CYP4B1: variants seen among roughly 807,000 people sequenced by gnomAD.
The protein encoded by CYP4B1 is cytochrome P450 family 4 subfamily B member 1.
CYP4B1 carries 45 observed loss-of-function variants against 54.0 expected under a neutral mutation model. That is an observed-to-expected ratio of 0.83 (90% confidence interval 0.66 to 1.07). The LOEUF (loss-of-function observed/expected upper bound fraction) is 1.07, where lower values mean the gene tolerates loss of function less well. Among genes scored for constraint, CYP4B1 ranks in the 50% least tolerant of loss-of-function variants. The pLI is 0.00. For missense variants in CYP4B1, 656 were observed against 655.4 expected, an observed-to-expected ratio of 1.00 and a Z score of -0.01; for synonymous variants, 248 against 247.5, an observed-to-expected ratio of 1.00 and a Z score of -0.02.
At chr1:46,817,356 C>A in intron 9 of CYP4B1, 175 bp downstream of exon 9, 1 of 669,162 alleles carries the variant, frequency 1.5e-6, no homozygotes. Flanking sequence ...TACCTCTGAG[C>A]CTCCATTTCC....
At chr1:46,817,216 C>T (rs35333582) in intron 9 of CYP4B1, 35 bp downstream of exon 9, 218,980 of 1,612,344 alleles carry the variant, frequency 0.14, 15,646 homozygotes, top group East Asian at 0.22. Flanking sequence ...GAAAAGGAGT[C>T]CCTGCATGCT....
chr1:46,818,015 T>G lies in CYP4B1; in HGVS notation c.1258T>G (p.Trp420Gly). 6.2e-7 allele frequency: 1 copy of G among 1,614,176 alleles called. No homozygotes were observed. The highest frequency in any genetic ancestry group is 2.2e-5 in the East Asian group (1 of 44,876). Residue 420 changes from tryptophan (W) to glycine (G), a missense_variant, in exon 10 of 12, where the codon TGG becomes GGG. Trp to Gly is a radical substitution (Grantham distance 184). Coordinates refer to ENST00000371923, the MANE Select transcript of CYP4B1 (RefSeq NM_001099772.2). ...IYALHRNSAV[W>G]PDPEVFDSLR... The stretch of plus-strand genomic sequence containing the variant: ...TGCCCTCCATAGGAACAGTGCTGTA[T>G]GGCCCGACCCTGAGGTACCCTTTCC...
At chr1:46,807,886 T>C (rs575503723) in intron 1 of CYP4B1, among the ~76,000 whole-genome samples, 5 of 152,370 alleles carry the variant, frequency 3.3e-5, no homozygotes, top group African/African-American at 1.2e-4. Flanking sequence ...ATCAGATGCC[T>C]GTGTCCTTCT....
At chr1:46,817,328 C>T (rs1679377575) in intron 9 of CYP4B1, 147 bp downstream of exon 9, 1 of 857,018 alleles carries the variant, frequency 1.2e-6, no homozygotes, top group East Asian at 2.7e-5. Context: ...AGCCCCACAA[C>T]ATATTGATCA....
chr1:46,815,074 G>T lies in CYP4B1; in HGVS notation c.883G>T (p.Asp295Tyr), dbSNP rs1679279060. Residue 295 changes from aspartate to tyrosine, a missense_variant and splice_region_variant, in exon 8 of 12, where the codon GAT becomes TAT. Transcript: ENST00000371923. ...TCCTATTATGCCTTCCCTAACCCAG[G>T]ATGAAGATGACATCAAACTGTCAGA... ...DFLDILLGAR[D>Y]EDDIKLSDAD... The T allele has an allele frequency of 3.1e-6, 5 of 1,613,756 alleles. No homozygotes were observed. The highest frequency in any genetic ancestry group is 2.7e-5 in the African/African-American group (2 of 74,890).
At chr1:46,803,414 G>C (rs1305590968) in intron 1 of CYP4B1, among the ~76,000 whole-genome samples, 1 of 152,154 alleles carries the variant, frequency 6.6e-6, no homozygotes, top group East Asian at 1.9e-4. Flanking sequence ...GTCAGTGAGG[G>C]CTCCTCCATG....
At chr1:46,812,337 TG>T in intron 3 of CYP4B1, 158 bp from the exon 4 acceptor site, 2 of 800,412 alleles carry the variant, frequency 2.5e-6, no homozygotes, top group Non-Finnish European at 4.2e-6. Flanking sequence ...CCTGAGGTCC[TG>T]GTAGCCTAGG....
chr1:46,813,619 C>A lies in CYP4B1; in HGVS notation c.620+13C>A, dbSNP rs768704301. On this transcript the variant is annotated intron_variant, in intron 5 of 11. Transcript: ENST00000371923. ...GCCTGGGCCACAGGTCAGGAGCCAC[C>A]TCGGGGCTGACCGCACTGTCTCCAA... is the stretch of plus-strand genomic sequence containing the variant. 1 of 1,613,520 alleles carries A rather than the reference C, an allele frequency of 6.2e-7. No individual in the cohort carries two copies. The highest frequency in any genetic ancestry group is 2.2e-5 in the East Asian group (1 of 44,864).
At chr1:46,807,992 C>T (rs918018410) in intron 1 of CYP4B1, among the ~76,000 whole-genome samples, 3 of 152,194 alleles carry the variant, frequency 2.0e-5, no homozygotes, top group African/African-American at 4.8e-5. Context: ...TTATTTGGCT[C>T]ACAGTTCCAC....
intron 1 of CYP4B1, among the ~76,000 whole-genome samples, chr1:46,800,850 C>A (rs968803644): frequency 1.3e-5 from 2 of 152,212 alleles, no homozygotes; most frequent in African/African-American, 4.8e-5. Context: ...AGAGATGAAT[C>A]AGACCCAGGC....
rs1280960116 is a variant in CYP4B1 at position 46,815,420 on chromosome 1, T to A, written c.1073+156T>A. The A allele has an allele frequency of 8.0e-6, 5 of 625,954 alleles. No homozygotes were observed. In the East Asian group the frequency reaches 9.7e-5, roughly 12 times the overall value. 38.8% of individuals were successfully genotyped at this position (625,954 alleles called of 1,614,324 possible). On this transcript the variant is annotated intron_variant, in intron 8 of 11. Coordinates refer to ENST00000371923, the MANE Select transcript of CYP4B1 (RefSeq NM_001099772.2). ...TTGTGGTGGTGGGGGGTGGGGAGAG[T>A]GGTTGGCTGGGCACAGATGCACCCC...
rs1679214403 is a variant in CYP4B1 at position 46,813,854 on chromosome 1, G to A, written c.621-55G>A. The A allele has an allele frequency of 5.0e-6, 8 of 1,592,908 alleles. No individual in the cohort carries two copies. The South Asian group carries it at 7.9e-5, about 16-fold the overall frequency. On this transcript the variant is annotated intron_variant, in intron 5 of 11. Transcript: ENST00000371923. Reference sequence around the variant, plus strand: ...TAGATTCCTGGAATGGAGTTTCTCTGGCTCTGCTCCTGGGCCAGTGTCTAA... The same window carrying A: ...TAGATTCCTGGAATGGAGTTTCTCTAGCTCTGCTCCTGGGCCAGTGTCTAA...
chr1:46,810,819 G>A lies in CYP4B1; in HGVS notation c.192G>A (p.Thr64=), dbSNP rs760448256. 10 of 1,614,010 alleles carry A rather than the reference G, an allele frequency of 6.2e-6. No homozygotes were observed. Among genetic ancestry groups the A allele is most frequent in the African/African-American group, 4.0e-5 (3 of 74,912 alleles). The change falls in exon 2 of 12, where the codon ACG becomes ACA. Residue 64 remains threonine (T), a synonymous_variant. Transcript: ENST00000371923. ...LFGHALEIQE[T]GSLDKVVSWA... is the part of the protein sequence containing the mutation. The stretch of plus-strand genomic sequence containing the variant: ...TGTCATCATTTCAGATCCAGGAGAC[G>A]GGGAGCCTGGACAAAGTGGTGTCCT...
At chr1:46,810,463 T>C (rs1679051919) in intron 1 of CYP4B1, among the ~76,000 whole-genome samples, 1 of 152,226 alleles carries the variant, frequency 6.6e-6, no homozygotes, top group Non-Finnish European at 1.5e-5. Flanking sequence ...TGAGCAAATA[T>C]TACCTATCTT....
chr1:46,811,658 T>C (rs945039359), intron 3 of CYP4B1, among the ~76,000 whole-genome samples: 3 of 151,802 alleles, frequency 2.0e-5, no homozygotes, highest in African/African-American at 7.3e-5. Context: ...GATAAGGAGG[T>C]GATTTGATGT....
chr1:46,811,286 C>A, intron 3 of CYP4B1, 102 bp downstream of exon 3: 1 of 1,264,726 alleles, frequency 7.9e-7, no homozygotes, highest in Non-Finnish European at 1.2e-6. Context: ...CCCAGATGGC[C>A]TAGTTCTCGG....
intron 4 of CYP4B1, 89 bp from the exon 5 acceptor site, chr1:46,813,393 C>A: frequency 6.5e-7 from 1 of 1,529,808 alleles, no homozygotes; most frequent in Non-Finnish European, 9.0e-7. Context: ...GGAGGATAGG[C>A]TACGGGTCCT....
intron 4 of CYP4B1, among the ~76,000 whole-genome samples, chr1:46,812,951 T>C (rs1224147045): frequency 6.6e-6 from 1 of 152,218 alleles, no homozygotes; most frequent in African/African-American, 2.4e-5. Context: ...GAGGACTGCC[T>C]ATATTTGAGA....
chr1:46,799,251 A>G lies in CYP4B1; in HGVS notation c.170A>G (p.His57Arg), dbSNP rs777033858. The G allele has an allele frequency of 6.9e-6, 11 of 1,591,958 alleles. No homozygotes were observed. In the Admixed American group the frequency reaches 1.4e-4, roughly 21 times the overall value. Residue 57 changes from histidine (H) to arginine (R), a missense_variant, in exon 1 of 12, where the codon CAT becomes CGT. His to Arg is a conservative substitution (Grantham distance 29). Coordinates refer to ENST00000371923, the MANE Select transcript of CYP4B1 (RefSeq NM_001099772.2). Reference protein sequence around the residue: ...PGPPTHWLFGHALEIQETGSL... With the variant: ...PGPPTHWLFGRALEIQETGSL... ...CCTCCCACCCACTGGCTTTTTGGACATGCCCTCGAGGTATGTGGAGGTCGG... is the reference window on the plus strand; with the variant it reads ...CCTCCCACCCACTGGCTTTTTGGACGTGCCCTCGAGGTATGTGGAGGTCGG...
Sources: gnomAD v4.1 joint callset for allele counts (sites outside exome capture counted in the v4.1 genomes callset) on GRCh38, gnomAD v4.1.1 for gene constraint, MANE v1.5 for transcripts, NCBI Gene and HGNC (gene_info 2026-07-23, HGNC 2026-07-21) for gene names.